The following AGAP1 variants were observed in gnomAD, a reference collection of about 807,000 sequenced individuals.
AGAP1 encodes arf-GAP with GTPase, ANK repeat and PH domain-containing protein 1.
Under a neutral mutation model 105.3 loss-of-function variants are expected in AGAP1, and 29 were observed. That is an observed-to-expected ratio of 0.28 (90% CI 0.21 to 0.38). The LOEUF (loss-of-function observed/expected upper bound fraction) is 0.38, where lower values mean the gene tolerates loss of function less well. Ranked by LOEUF, AGAP1 falls within the 10% of genes least tolerant of loss-of-function variation. The pLI, the probability that AGAP1 is intolerant of heterozygous loss-of-function variation, is 1.00. For missense variants in AGAP1, 998 were observed against 1,165.1 expected (o/e 0.86, Z 2.09); for synonymous variants, 509 against 485.9 (o/e 1.05, Z -0.63).
rs750103671 is a variant in AGAP1 at position 235,714,953 on chromosome 2, A to G, written c.223-2604A>G. Among the ~76,000 whole-genome samples, 1 of 151,790 alleles carries G rather than the reference A, an allele frequency of 6.6e-6. No homozygotes were observed. Among genetic ancestry groups the G allele is most frequent in the African/African-American group, 2.4e-5 (1 of 41,292 alleles). On this transcript the variant is annotated intron_variant, in intron 2 of 17. Transcript: ENST00000304032. The surrounding 1 kb of genome is among the most constrained non-coding windows in gnomAD (Gnocchi z 4.1). Reference sequence around the variant, plus strand: ...GCTGGGACTACAGGCGTGTGCCACCACGCCTTGTTATTTTTTTGTAGTTTT... The same window carrying G: ...GCTGGGACTACAGGCGTGTGCCACCGCGCCTTGTTATTTTTTTGTAGTTTT...
At chr2:235,935,494 TC>T (rs1397832916) in intron 12 of AGAP1, among the ~76,000 whole-genome samples, 1 of 152,218 alleles carries the variant, frequency 6.6e-6, no homozygotes, top group Non-Finnish European at 1.5e-5. Context: ...GGCTGTAAAT[TC>T]CTGTCCTGCA....
chr2:235,972,334 G>A (rs1361082763), intron 13 of AGAP1, among the ~76,000 whole-genome samples: 8 of 152,176 alleles, frequency 5.3e-5, no homozygotes. Context: ...GAATTCCATT[G>A]AAGTAAGCAA....
rs753248076 is a variant in AGAP1, at chr2:236,120,569, T to C, written c.2370+122T>C. ...TTCTCGATCTGCAAGTGGAAACAGTTCCTAATGGGAAACTCTGATTGAAGA... is the reference window on the plus strand; with the variant it reads ...TTCTCGATCTGCAAGTGGAAACAGTCCCTAATGGGAAACTCTGATTGAAGA... On this transcript the variant is annotated intron_variant, in intron 17 of 17. Transcript: ENST00000304032. The surrounding 1 kb of genome is among the most constrained non-coding windows in gnomAD (Gnocchi z 6.0). 4 of 1,496,120 alleles carry C rather than the reference T, an allele frequency of 2.7e-6. No individual in the cohort carries two copies. Among genetic ancestry groups the C allele is most frequent in the Non-Finnish European group, 3.6e-6 (4 of 1,121,916 alleles). 92.7% of individuals were successfully genotyped at this position (1,496,120 alleles called of 1,614,324 possible). A position where few individuals can be genotyped will look rare whatever the true frequency, so the allele number is the denominator to read the frequency against.
intron 3 of AGAP1, among the ~76,000 whole-genome samples, chr2:235,731,195 C>T (rs141639760): frequency 6.6e-6 from 1 of 152,278 alleles, no homozygotes; most frequent in Non-Finnish European, 1.5e-5. Context: ...GAAACAGGCA[C>T]AGGCCCTTGT....
rs777612107 is a variant in AGAP1, at chr2:235,903,518, C to T, written c.1156-5220C>T. ...TCACCAGACAGCCAAAGGTAACCTC[C>T]GGATGTGAGGCAGTGAGAATCAATA... is the stretch of plus-strand genomic sequence containing the variant. On this transcript the variant is annotated intron_variant, in intron 10 of 17. Coordinates refer to ENST00000304032, the MANE Select transcript of AGAP1 (RefSeq NM_001037131.3). Among the ~76,000 whole-genome samples, 4 of 152,170 alleles carry T rather than the reference C, an allele frequency of 2.6e-5. No individual in the cohort carries two copies. The South Asian group carries it at 6.2e-4, about 24-fold the overall frequency.
At chr2:235,933,766 C>G in intron 12 of AGAP1, among the ~76,000 whole-genome samples, 1 of 151,870 alleles carries the variant, frequency 6.6e-6, no homozygotes, top group Admixed American at 6.6e-5. Context: ...CTCTTGACCT[C>G]ATGATCTGCC....
Position 235,638,634 on chromosome 2 carries a change from G to T in AGAP1, c.164-70545G>T, listed in dbSNP as rs1357617027. Among the ~76,000 whole-genome samples, 3 of 152,012 alleles carry T rather than the reference G, an allele frequency of 2.0e-5. No individual in the cohort carries two copies. In the East Asian group the frequency reaches 5.8e-4, roughly 29 times the overall value. ...GAAAGAAAGATACCACAGTATGAAT[G>T]GTGGTTCCCAATTAGTAGGAGAACT... is the stretch of plus-strand genomic sequence containing the variant. On this transcript the variant is annotated intron_variant, in intron 1 of 17. Coordinates refer to ENST00000304032, the MANE Select transcript of AGAP1 (RefSeq NM_001037131.3).
chr2:235,506,034 G>A (rs1941792285), intron 1 of AGAP1, among the ~76,000 whole-genome samples: 1 of 150,412 alleles, frequency 6.6e-6, no homozygotes, highest in African/African-American at 2.4e-5. Flanking sequence ...AGGTTCAAGT[G>A]ATTCGCCTGC....
In AGAP1 at chr2:235,555,625, G is replaced by A. The variant is rs1164448589; in HGVS notation, c.163+60776G>A. ...GTGCATGAGCTATGCAGGCCTTGGG[G>A]TCTTTTCATCAGATTCCTTTTGGCA... is the stretch of plus-strand genomic sequence containing the variant. On this transcript the variant is annotated intron_variant, in intron 1 of 17. Coordinates refer to ENST00000304032, the MANE Select transcript of AGAP1 (RefSeq NM_001037131.3). The surrounding 1 kb of genome is among the most constrained non-coding windows in gnomAD (Gnocchi z 5.1). 6.6e-6 allele frequency among the ~76,000 whole-genome samples: 1 copy of A among 152,216 alleles called. No individual in the cohort carries two copies. Among genetic ancestry groups the A allele is most frequent in the African/African-American group, 2.4e-5 (1 of 41,456 alleles).
At chr2:235,995,203 C>T (rs2055757510) in intron 13 of AGAP1, among the ~76,000 whole-genome samples, 1 of 151,572 alleles carries the variant, frequency 6.6e-6, no homozygotes, top group African/African-American at 2.4e-5. Context: ...TCATGCCCAC[C>T]ACCCTCCCAT....
Position 235,720,748 on chromosome 2 carries a change from G to T in AGAP1, c.310+3104G>T. ...CCTTTATGTCATAATCCTGACCCGT[G>T]GCTGGGATATGTAGACTGCTGGGAG... On this transcript the variant is annotated intron_variant, in intron 3 of 17. Transcript: ENST00000304032. This position sits in a 1 kb window ranked among gnomAD's most constrained non-coding sequence, Gnocchi z 5.0. 1 of 979,676 alleles carries T rather than the reference G, an allele frequency of 1.0e-6. No homozygotes were observed. Among genetic ancestry groups the T allele is most frequent in the South Asian group, 4.7e-5 (1 of 21,140 alleles). 60.7% of individuals were successfully genotyped at this position (979,676 alleles called of 1,614,324 possible).
rs1385513246 is a variant in AGAP1, at chr2:235,846,917, T to C, written c.1051-36428T>C. The stretch of plus-strand genomic sequence containing the variant: ...TGCTGGGATGACAGGCATGAGCCAC[T>C]GCGCCTGGTCTGGTTCCACAGTTTT... On this transcript the variant is annotated intron_variant, in intron 9 of 17. Coordinates refer to ENST00000304032, the MANE Select transcript of AGAP1 (RefSeq NM_001037131.3). Among the ~76,000 whole-genome samples the C allele has an allele frequency of 5.3e-5, 8 of 152,322 alleles. No individual in the cohort carries two copies. The East Asian group carries it at 1.5e-3, about 29-fold the overall frequency.
At position 235,535,537 on chromosome 2, in the gene AGAP1, C is replaced by G. The variant is rs1439996941; in HGVS notation, c.163+40688C>G. On this transcript the variant is annotated intron_variant, in intron 1 of 17. Transcript: ENST00000304032. The surrounding 1 kb of genome is among the most constrained non-coding windows in gnomAD (Gnocchi z 5.1). The stretch of plus-strand genomic sequence containing the variant: ...AAATGAAATCCGTGTCCTCTTTATC[C>G]TCCCCTCTCTCTGTTCTGCGCGGCA... Among the ~76,000 whole-genome samples, 1 of 151,048 alleles carries G rather than the reference C, an allele frequency of 6.6e-6. No homozygotes were observed. The highest frequency in any genetic ancestry group is 1.5e-5 in the Non-Finnish European group (1 of 67,892).
At chr2:235,837,975 G>T (rs1257521703) in intron 9 of AGAP1, among the ~76,000 whole-genome samples, 1 of 152,154 alleles carries the variant, frequency 6.6e-6, no homozygotes, top group African/African-American at 2.4e-5. Context: ...CTGAGGTCAG[G>T]AGTATGAGAC....
At chr2:235,935,988 G>A (rs1442793184) in intron 12 of AGAP1, among the ~76,000 whole-genome samples, 2 of 152,120 alleles carry the variant, frequency 1.3e-5, no homozygotes, top group Non-Finnish European at 2.9e-5. Context: ...GGCCCTCCCC[G>A]CTGGCTCCTG....
In AGAP1 at chr2:235,906,317, GCA is replaced by G. The variant is rs1575746983; in HGVS notation, c.1156-2418_1156-2417del. ...CTGCCTCTGAATTTGCCCCACTGTA[GCA>G]CAGTTTCTGATCCTTTCTCCAGTGG... On this transcript the variant is annotated intron_variant, in intron 10 of 17. Coordinates refer to ENST00000304032, the MANE Select transcript of AGAP1 (RefSeq NM_001037131.3). This position sits in a 1 kb window ranked among gnomAD's most constrained non-coding sequence, Gnocchi z 5.3. 6.6e-6 allele frequency among the ~76,000 whole-genome samples: 1 copy of G among 152,184 alleles called. No individual in the cohort carries two copies. The highest frequency in any genetic ancestry group is 6.5e-5 in the Admixed American group (1 of 15,286).
intron 1 of AGAP1, among the ~76,000 whole-genome samples, chr2:235,519,987 G>A (rs1317146937): frequency 6.6e-6 from 1 of 152,128 alleles, no homozygotes; most frequent in East Asian, 1.9e-4. Context: ...GTTTCACCAT[G>A]TCCAGGCTGG....
rs115087603 is a variant in AGAP1 at position 235,961,045 on chromosome 2, A to G, written c.1484-7417A>G. Among the ~76,000 whole-genome samples, 3,375 of 152,324 alleles carry G rather than the reference A, an allele frequency of 0.022. 128 individuals are homozygous for G. The highest frequency in any genetic ancestry group is 0.078 in the African/African-American group (3,222 of 41,546). Reference sequence around the variant, plus strand: ...AAAACTTTATTACGTATCGAACCCCATTACTCATCCTGAATCTGTTTCAGG... The same window carrying G: ...AAAACTTTATTACGTATCGAACCCCGTTACTCATCCTGAATCTGTTTCAGG... On this transcript the variant is annotated intron_variant, in intron 12 of 17. Coordinates refer to ENST00000304032, the MANE Select transcript of AGAP1 (RefSeq NM_001037131.3). The surrounding 1 kb of genome is among the most constrained non-coding windows in gnomAD (Gnocchi z 5.9).
chr2:235,928,002 CCTT>C (rs1188337904), intron 11 of AGAP1, among the ~76,000 whole-genome samples: 1 of 152,176 alleles, frequency 6.6e-6, no homozygotes, highest in African/African-American at 2.4e-5. Context: ...GGAATTACCT[CCTT>C]ATCATCTTAC....
Sources: gnomAD v4.1 joint callset for allele counts (sites outside exome capture counted in the v4.1 genomes callset) on GRCh38, gnomAD v4.1.1 for gene constraint, Gnocchi (gnomAD v3.1) non-coding constraint, MANE v1.5 for transcripts, NCBI Gene and HGNC (gene_info 2026-07-23, HGNC 2026-07-21) for gene names.